Variants in INSR observed in about 807,000 individuals in gnomAD.
The protein encoded by INSR is IR.
INSR carries 67 observed loss-of-function variants against 142.6 expected under a neutral mutation model. The observed-to-expected ratio is 0.47, with a 90% CI of 0.39 to 0.58. INSR has a LOEUF of 0.58. INSR is among the 20% of genes least tolerant of loss of function. The probability of loss-of-function intolerance (pLI) is 0.00; values close to 1 mark genes in which losing one functional copy is unlikely to be tolerated. For synonymous variants in INSR, 756 were observed against 743.1 expected (o/e 1.02, Z -0.28); for missense variants, 1,248 against 1,833.2 (o/e 0.68, Z 5.83).
intron 2 of INSR, among the ~76,000 whole-genome samples, chr19:7,254,530 AAAAC>A (rs1206642570): frequency 2.6e-5 from 4 of 152,240 alleles, no homozygotes; most frequent in African/African-American, 4.8e-5. Flanking sequence ...CCCCATCTCA[AAAAC>A]AAACAAACAA....
In INSR at chr19:7,197,855, CGA is replaced by C. The variant is rs1339865881; in HGVS notation, c.653-13220_653-13219del. 1.1e-4 allele frequency among the ~76,000 whole-genome samples: 7 copies of C among 63,050 alleles called. 2 individuals carry two copies. Among genetic ancestry groups the C allele is most frequent in the Non-Finnish European group, 9.3e-5 (3 of 32,342 alleles). 41.4% of individuals were successfully genotyped at this position (63,050 alleles called of 152,430 possible). On this transcript the variant is annotated intron_variant, in intron 2 of 21. Coordinates refer to ENST00000302850, the MANE Select transcript of INSR (RefSeq NM_000208.4). ...GAGAACGAGAGAGAGAGAGAGAGAA[CGA>C]GAGAGAGTGTGTGCGCGTGTGTGTC...
chr19:7,269,664 T>A (rs923070962), intron 1 of INSR, among the ~76,000 whole-genome samples: 4 of 128,404 alleles, frequency 3.1e-5, no homozygotes, highest in African/African-American at 1.2e-4. Context: ...AGCTTCCACA[T>A]CCAGAGATGT....
At chr19:7,261,996 T>C (rs1977079961) in intron 2 of INSR, among the ~76,000 whole-genome samples, 1 of 152,178 alleles carries the variant, frequency 6.6e-6, no homozygotes, top group South Asian at 2.1e-4. Flanking sequence ...TTCCAGAAGC[T>C]GCCAAGTGTG....
chr19:7,240,787 G>T (rs139995531), intron 2 of INSR, among the ~76,000 whole-genome samples: 2 of 152,054 alleles, frequency 1.3e-5, no homozygotes, highest in African/African-American at 4.8e-5. Context: ...CTTGTTTCCC[G>T]CACAATATTA....
intron 1 of INSR, among the ~76,000 whole-genome samples, chr19:7,285,335 A>C (rs1267501202): frequency 6.6e-6 from 1 of 152,158 alleles, no homozygotes; most frequent in African/African-American, 2.4e-5. Flanking sequence ...CTGTAACCCC[A>C]GCTACTAGAA....
In INSR at chr19:7,222,363, C is replaced by A. The variant is rs191692547; in HGVS notation, c.653-37726G>T. ...TAGAGGTCTGACTTTTGACATGTGT[C>A]CCGTACACCCAGCACCCATCTGGCT... On this transcript the variant is annotated intron_variant, in intron 2 of 21. Transcript: ENST00000302850. 2.3e-3 allele frequency among the ~76,000 whole-genome samples: 349 copies of A among 152,014 alleles called. 1 individual carries two copies. The highest frequency in any genetic ancestry group is 8.0e-3 in the African/African-American group (331 of 41,466).
chr19:7,154,075 C>A (rs1014077348), intron 9 of INSR, among the ~76,000 whole-genome samples: 1 of 151,754 alleles, frequency 6.6e-6, no homozygotes, highest in Non-Finnish European at 1.5e-5. Context: ...GCAGGAGAAT[C>A]GCTTGAACCT....
chr19:7,266,383 CTTTTTTT>C (rs746892721), intron 2 of INSR, among the ~76,000 whole-genome samples: 1 of 123,276 alleles, frequency 8.1e-6, no homozygotes. Flanking sequence ...TAGAAATTAT[CTTTTTTT>C]TTTTTTTTTT....
chr19:7,276,725 A>G (rs554217462), intron 1 of INSR, among the ~76,000 whole-genome samples: 13 of 151,516 alleles, frequency 8.6e-5, no homozygotes, highest in African/African-American at 3.2e-4. Flanking sequence ...TTATTTATTT[A>G]TTCATTTATT....
chr19:7,154,992 C>T (rs1279723510), intron 9 of INSR, among the ~76,000 whole-genome samples: 1 of 152,152 alleles, frequency 6.6e-6, no homozygotes, highest in Non-Finnish European at 1.5e-5. Context: ...CCAGACAATG[C>T]TTCTGTCTTC....
intron 2 of INSR, among the ~76,000 whole-genome samples, chr19:7,247,159 T>A (rs934134469): frequency 6.6e-6 from 1 of 152,232 alleles, no homozygotes; most frequent in African/African-American, 2.4e-5. Flanking sequence ...CTGGCATTCA[T>A]GTGTTGACTG....
intron 3 of INSR, among the ~76,000 whole-genome samples, chr19:7,180,262 C>T (rs1974239218): frequency 1.3e-5 from 2 of 152,168 alleles, no homozygotes; most frequent in Non-Finnish European, 2.9e-5. Context: ...GGTACAGTGG[C>T]TCAGGCCCTG....
intron 2 of INSR, among the ~76,000 whole-genome samples, chr19:7,226,121 G>C (rs1975771300): frequency 6.6e-6 from 1 of 152,170 alleles, no homozygotes; most frequent in African/African-American, 2.4e-5. Flanking sequence ...AAATGTCTGA[G>C]GATCGGCCTA....
chr19:7,129,313 A>C (rs2144823871), intron 14 of INSR, among the ~76,000 whole-genome samples: 1 of 152,124 alleles, frequency 6.6e-6, no homozygotes. Flanking sequence ...TATTCATTTT[A>C]TTTTAATTTT....
In INSR at chr19:7,267,854, T is replaced by C. The variant is rs1364492874; in HGVS notation, c.143A>G (p.His48Arg). The C allele has an allele frequency of 1.2e-6, 2 of 1,614,040 alleles. No individual in the cohort carries two copies. Among genetic ancestry groups the C allele is most frequent in the African/African-American group, 1.3e-5 (1 of 75,004 alleles). ...MDIRNNLTRL[H>R]ELENCSVIEG... ...GATGACAGAGCAATTCTCCAGCTCATGCAACCTAGTGAGGTTGTTCCGGAT... is the reference window on the plus strand; with the variant it reads ...GATGACAGAGCAATTCTCCAGCTCACGCAACCTAGTGAGGTTGTTCCGGAT... Residue 48 changes from histidine (H) to arginine (R), a missense_variant, in exon 2 of 22, where the codon CAT becomes CGT. His to Arg is a conservative substitution (Grantham distance 29). Around this residue, in one of 3 missense-constraint regions of INSR, gnomAD observed 1,069 missense variants for 1,654.0 expected, o/e 0.65. Transcript: ENST00000302850. The surrounding 1 kb of genome is among the most constrained non-coding windows in gnomAD (Gnocchi z 6.3).
At position 7,184,331 on chromosome 19, in the gene INSR, G is replaced by A. The variant is rs138528064; in HGVS notation, c.959C>T (p.Thr320Met). ...KCIPECPSGY[T>M]MNSSNLLCTP... ...CAGAACTCACTTGCTGGAATTCATC[G>A]TGTACCCGGAGGGACACTCAGGGAT... is the stretch of plus-strand genomic sequence containing the variant. Residue 320 changes from threonine (T) to methionine (M), a missense_variant, in exon 3 of 22, where the codon ACG becomes ATG. Physicochemically the swap from Thr to Met is moderately conservative, Grantham distance 81. Around this residue, in one of 3 missense-constraint regions of INSR, gnomAD observed 1,069 missense variants for 1,654.0 expected, o/e 0.65. Coordinates refer to ENST00000302850, the MANE Select transcript of INSR (RefSeq NM_000208.4). The A allele has an allele frequency of 1.5e-4, 242 of 1,613,740 alleles. No individual in the cohort carries two copies. The African/African-American group carries it at 2.5e-3, about 17-fold the overall frequency.
intron 2 of INSR, among the ~76,000 whole-genome samples, chr19:7,203,899 T>A (rs914291263): frequency 6.6e-6 from 1 of 152,230 alleles, no homozygotes; most frequent in Admixed American, 6.5e-5. Flanking sequence ...TTATTTTATT[T>A]CAGATGGAGT....
rs1480657896 is a variant in INSR at position 7,192,490 on chromosome 19, G to A, written c.653-7853C>T. On this transcript the variant is annotated intron_variant, in intron 2 of 21. Coordinates refer to ENST00000302850, the MANE Select transcript of INSR (RefSeq NM_000208.4). This position sits in a 1 kb window ranked among gnomAD's most constrained non-coding sequence, Gnocchi z 4.2. ...TTGACTTTCCTCTCCCTGTGCCCCT[G>A]ACCTGATCCCCCTCATTGACACGTA... Among the ~76,000 whole-genome samples, 1 of 152,030 alleles carries A rather than the reference G, an allele frequency of 6.6e-6. No homozygotes were observed. The highest frequency in any genetic ancestry group is 1.5e-5 in the Non-Finnish European group (1 of 68,016).
chr19:7,125,142 C>A lies in INSR; in HGVS notation c.3258+141G>T. On this transcript the variant is annotated intron_variant, in intron 17 of 21. Coordinates refer to ENST00000302850, the MANE Select transcript of INSR (RefSeq NM_000208.4). This position sits in a 1 kb window ranked among gnomAD's most constrained non-coding sequence, Gnocchi z 4.9. ...AGAAGGGAATGATCCCTCCTCACAC[C>A]TCTAGGATGGGAAGCTTAGTGGAGT... is the stretch of plus-strand genomic sequence containing the variant. 1 of 1,014,388 alleles carries A rather than the reference C, an allele frequency of 9.9e-7. No homozygotes were observed. The highest frequency in any genetic ancestry group is 1.5e-6 in the Non-Finnish European group (1 of 667,258). The allele number at this position is 1,014,388 out of a possible 1,614,324, so 62.8% of individuals were successfully genotyped here. A position where few individuals can be genotyped will look rare whatever the true frequency, so the allele number is the denominator to read the frequency against.
Sources: gnomAD v4.1 joint callset for allele counts (sites outside exome capture counted in the v4.1 genomes callset) on GRCh38, gnomAD v4.1.1 for gene constraint, gnomAD v4.1.1 regional missense constraint, Gnocchi (gnomAD v3.1) non-coding constraint, MANE v1.5 for transcripts, NCBI Gene and HGNC (gene_info 2026-07-23, HGNC 2026-07-21) for gene names.